Variants in ANTXR2 observed in about 807,000 individuals in gnomAD.
ANTXR2 encodes anthrax toxin receptor 2.
In ANTXR2, 44 loss-of-function variants were observed where a neutral mutation model predicts 73.7. That is an observed-to-expected ratio of 0.60 (90% CI 0.47 to 0.77). ANTXR2 has a LOEUF of 0.77. ANTXR2 is among the 30% of genes least tolerant of loss of function. The probability of loss-of-function intolerance (pLI) is 0.00; values close to 1 mark genes in which losing one functional copy is unlikely to be tolerated. For synonymous variants in ANTXR2, 217 were observed against 205.9 expected (o/e 1.05, Z -0.46); for missense variants, 604 against 592.5 (o/e 1.02, Z -0.20).
intron 16 of ANTXR2, among the ~76,000 whole-genome samples, chr4:79,920,219 T>C (rs1415660179): frequency 6.6e-6 from 1 of 151,906 alleles, no homozygotes; most frequent in Non-Finnish European, 1.5e-5. Context: ...CTCCTTAGAG[T>C]TGAATCATTG....
At chr4:80,031,183 G>A (rs1237200821) in intron 10 of ANTXR2, among the ~76,000 whole-genome samples, 1 of 151,842 alleles carries the variant, frequency 6.6e-6, no homozygotes, top group East Asian at 1.9e-4. Context: ...TTTTAGCCAT[G>A]TTCTTGAGGC....
intron 2 of ANTXR2, among the ~76,000 whole-genome samples, chr4:80,070,515 G>A (rs1734738135): frequency 6.6e-6 from 1 of 152,158 alleles, no homozygotes; most frequent in South Asian, 2.1e-4. Context: ...TAGGGACATA[G>A]GATCTTGTTT....
chr4:79,981,026 C>T (rs1323347897), intron 14 of ANTXR2, among the ~76,000 whole-genome samples: 1 of 151,744 alleles, frequency 6.6e-6, no homozygotes, highest in East Asian at 1.9e-4. Context: ...GCCCCAGCTA[C>T]ATGAGAGAAT....
chr4:79,983,199 C>T lies in ANTXR2; in HGVS notation c.1179+679G>A, dbSNP rs557895739. ...ATTGCTCCTTGGGATGGGATGCAGG[C>T]CTGTTTATACTGTTGTTAAGAGCTC... On this transcript the variant is annotated intron_variant, in intron 14 of 16. Transcript: ENST00000403729. 1.6e-4 allele frequency among the ~76,000 whole-genome samples: 25 copies of T among 152,030 alleles called. No individual in the cohort carries two copies. The East Asian group carries it at 4.8e-3, about 29-fold the overall frequency.
chr4:80,027,083 T>C (rs974285565), intron 10 of ANTXR2, among the ~76,000 whole-genome samples: 4 of 152,184 alleles, frequency 2.6e-5, no homozygotes, highest in Admixed American at 2.6e-4. Context: ...AATGTTCATA[T>C]TCAAATAAAG....
intron 16 of ANTXR2, among the ~76,000 whole-genome samples, chr4:79,937,816 G>T (rs975177422): frequency 6.7e-6 from 1 of 149,626 alleles, no homozygotes; most frequent in African/African-American, 2.5e-5. Flanking sequence ...CTGAGGTACC[G>T]GGTTCATCTC....
chr4:79,958,649 C>T (rs7655441), intron 16 of ANTXR2, among the ~76,000 whole-genome samples: 113,619 of 152,048 alleles, frequency 0.75, 42,762 homozygotes, highest in East Asian at 0.96. Flanking sequence ...GAAGTAGACA[C>T]TGGCAAATTT....
chr4:80,061,323 T>C (rs1452953165), intron 3 of ANTXR2, among the ~76,000 whole-genome samples: 1 of 150,786 alleles, frequency 6.6e-6, no homozygotes, highest in East Asian at 2.0e-4. Flanking sequence ...CTATGCTTCA[T>C]TGGAAGCCAC....
In ANTXR2 at chr4:79,959,640, C is replaced by T. The variant is rs115722802; in HGVS notation, c.1428+17981G>A. Among the ~76,000 whole-genome samples, 411 of 152,318 alleles carry T rather than the reference C, an allele frequency of 2.7e-3. 2 individuals are homozygous for T. The highest frequency in any genetic ancestry group is 9.0e-3 in the African/African-American group (374 of 41,580). On this transcript the variant is annotated intron_variant, in intron 16 of 16. Transcript: ENST00000403729. ...GGGAACCACAATGGTGTGCTTAAGT[C>T]TAGTGGGCCTCAGTTTAGATACATC...
chr4:80,064,834 TG>T (rs1342886261), intron 3 of ANTXR2, among the ~76,000 whole-genome samples: 2 of 152,180 alleles, frequency 1.3e-5, no homozygotes, highest in Non-Finnish European at 2.9e-5. Flanking sequence ...GAGGACTGGC[TG>T]GGGCACTAGG....
intron 12 of ANTXR2, among the ~76,000 whole-genome samples, chr4:79,999,832 A>C (rs1361735062): frequency 6.6e-6 from 1 of 151,956 alleles, no homozygotes; most frequent in Non-Finnish European, 1.5e-5. Flanking sequence ...CTGAGGCAGG[A>C]GGATCCCTTA....
intron 16 of ANTXR2, among the ~76,000 whole-genome samples, chr4:79,926,851 A>G (rs1301915191): frequency 6.6e-6 from 1 of 151,068 alleles, no homozygotes; most frequent in East Asian, 2.0e-4. Flanking sequence ...AGATAAATGG[A>G]TAAAGAAATT....
chr4:80,065,260 TG>T (rs1390023239), intron 3 of ANTXR2, among the ~76,000 whole-genome samples: 1 of 152,234 alleles, frequency 6.6e-6, no homozygotes, highest in African/African-American at 2.4e-5. Context: ...TAATTAGTCT[TG>T]ATTCCAAATT....
intron 14 of ANTXR2, among the ~76,000 whole-genome samples, chr4:79,981,296 G>A (rs574686867): frequency 6.6e-6 from 1 of 152,088 alleles, no homozygotes; most frequent in Non-Finnish European, 1.5e-5. Flanking sequence ...AACCCATGAA[G>A]TGCCAACTTA....
In ANTXR2 at chr4:80,057,567, T is replaced by TA. The variant is rs553819603; in HGVS notation, c.297-1555dup. Among the ~76,000 whole-genome samples the TA allele has an allele frequency of 4.3e-3, 650 of 152,050 alleles. 4 individuals are homozygous for TA. Among genetic ancestry groups the TA allele is most frequent in the South Asian group, 6.8e-3 (33 of 4,832 alleles). ...TCTTTCCTGGTTCACTCATCTCTAT[T>TA]AACTCTTGCTAATTGTCTTTTTAAA... On this transcript the variant is annotated intron_variant, in intron 3 of 16. Transcript: ENST00000403729.
At chr4:79,925,450 T>C (rs1425358315) in intron 16 of ANTXR2, among the ~76,000 whole-genome samples, 1 of 152,040 alleles carries the variant, frequency 6.6e-6, no homozygotes, top group African/African-American at 2.4e-5. Flanking sequence ...GGCACAAATA[T>C]TGGTTAAAAT....
At chr4:80,064,034 T>C (rs576255186) in intron 3 of ANTXR2, among the ~76,000 whole-genome samples, 24 of 152,186 alleles carry the variant, frequency 1.6e-4, no homozygotes, top group Non-Finnish European at 3.1e-4. Context: ...ACTTACTGTA[T>C]ATAAAGAACA....
At chr4:79,920,544 T>C (rs1279806704) in intron 16 of ANTXR2, among the ~76,000 whole-genome samples, 1 of 151,988 alleles carries the variant, frequency 6.6e-6, no homozygotes, top group African/African-American at 2.4e-5. Flanking sequence ...GCTGGAGAAG[T>C]TGCAATTTTA....
intron 16 of ANTXR2, among the ~76,000 whole-genome samples, chr4:79,945,078 G>A (rs573601986): frequency 6.6e-6 from 1 of 152,176 alleles, no homozygotes; most frequent in African/African-American, 2.4e-5. Context: ...CTATACCAGA[G>A]TTATTTAACT....
Sources: gnomAD v4.1 joint callset for allele counts (sites outside exome capture counted in the v4.1 genomes callset) on GRCh38, gnomAD v4.1.1 for gene constraint, MANE v1.5 for transcripts, NCBI Gene and HGNC (gene_info 2026-07-23, HGNC 2026-07-21) for gene names.